The following KLRG2 variants were observed in gnomAD, a reference collection of about 807,000 sequenced individuals.
KLRG2 encodes killer cell lectin-like receptor subfamily G member 2.
KLRG2 carries 39 observed loss-of-function variants against 35.4 expected under a neutral mutation model. That is an observed-to-expected ratio of 1.10 (90% CI 0.85 to 1.44). The LOEUF is 1.44. KLRG2 is among the 40% of genes most tolerant of loss of function. KLRG2 has a pLI of 0.00. For missense variants in KLRG2, 632 were observed against 570.9 expected, an observed-to-expected ratio of 1.11 and a Z score of -1.09; for synonymous variants, 283 against 265.8, an observed-to-expected ratio of 1.06 and a Z score of -0.63.
At chr7:139,463,325 A>T (rs184117232) in intron 3 of KLRG2, among the ~76,000 whole-genome samples, 63 of 152,260 alleles carry the variant, frequency 4.1e-4, no homozygotes, top group Admixed American at 2.8e-3. Context: ...CAAAAATTAG[A>T]TTCCAGCCCT....
At chr7:139,446,885 T>C in the KLRG2 span, among the ~76,000 whole-genome samples, 762 of 152,242 alleles carry the variant, frequency 5.0e-3, 6 homozygotes, top group African/African-American at 0.017. Context: ...CCCAGGCTCA[T>C]CTCATTTGAA....
chr7:139,459,106 A>T (rs1202852722), intron 3 of KLRG2, among the ~76,000 whole-genome samples: 3 of 152,162 alleles, frequency 2.0e-5, no homozygotes, highest in Non-Finnish European at 2.9e-5. Context: ...TTTTCTGCAG[A>T]TTTACTTATG....
chr7:139,482,725 A>C (rs917415481), intron 1 of KLRG2, among the ~76,000 whole-genome samples, 161 bp downstream of exon 1: 54 of 152,108 alleles, frequency 3.6e-4, no homozygotes, highest in African/African-American at 1.3e-3. Context: ...AATGTTATTG[A>C]TTGTAAGCCC....
intron 3 of KLRG2, among the ~76,000 whole-genome samples, chr7:139,470,287 T>C (rs1796734219): frequency 6.6e-6 from 1 of 151,928 alleles, no homozygotes; most frequent in African/African-American, 2.4e-5. Flanking sequence ...CTCGATCTCC[T>C]GACCTCGTGA....
At chr7:139,457,375 C>A (rs1238579839) in intron 3 of KLRG2, among the ~76,000 whole-genome samples, 4 of 152,172 alleles carry the variant, frequency 2.6e-5, no homozygotes, top group Admixed American at 1.3e-4. Context: ...TCTTCCGGGG[C>A]TGAGATGGAG....
At chr7:139,451,157 A>G (rs996758819), downstream of KLRG2, among the ~76,000 whole-genome samples, 9 of 152,172 alleles carry the variant, frequency 5.9e-5, no homozygotes, top group African/African-American at 1.7e-4. Flanking sequence ...AGGAAGGGGG[A>G]AAAACAGTTG....
Position 139,455,407 on chromosome 7 carries a change from T to C in KLRG2, c.1006-1193A>G, listed in dbSNP as rs1243143578. On this transcript the variant is annotated intron_variant, in intron 3 of 4. Coordinates refer to ENST00000340940, the MANE Select transcript of KLRG2 (RefSeq NM_198508.4). ...CGCGATCTCGGCTCACTGCAAGCTCTGTCTCCTGGGTTCACGCCATTCTCC... is the reference window on the plus strand; with the variant it reads ...CGCGATCTCGGCTCACTGCAAGCTCCGTCTCCTGGGTTCACGCCATTCTCC... Among the ~76,000 whole-genome samples, 4 of 150,426 alleles carry C rather than the reference T, an allele frequency of 2.7e-5. No homozygotes were observed. The East Asian group carries it at 5.9e-4, about 22-fold the overall frequency.
At position 139,483,319 on chromosome 7, in the gene KLRG2, C is replaced by A. The variant is rs748079295; in HGVS notation, c.324G>T (p.Glu108Asp). Residue 108 changes from glutamate (E) to aspartate (D), a missense_variant, in exon 1 of 5, where the codon GAG becomes GAT. By Grantham distance (45) the Glu-to-Asp change is conservative. Coordinates refer to ENST00000340940, the MANE Select transcript of KLRG2 (RefSeq NM_198508.4). ...TGGGCGCAGGCTCAGCCCCGGGCGC[C>A]TCGCCATTCCGGGGCAGCTTGACCA... ...PALVKLPRNG[E>D]APGAEPAPSA... The A allele has an allele frequency of 1.3e-6, 2 of 1,547,038 alleles. No homozygotes were observed. The highest frequency in any genetic ancestry group is 1.7e-6 in the Non-Finnish European group (2 of 1,157,454).
At chr7:139,466,750 A>T (rs1056485120) in intron 3 of KLRG2, among the ~76,000 whole-genome samples, 4 of 147,712 alleles carry the variant, frequency 2.7e-5, no homozygotes, top group East Asian at 2.4e-4. Context: ...TAAAATAAAA[A>T]AAATAAAAAA....
Position 139,483,416 on chromosome 7 carries a change from C to G in KLRG2, c.227G>C (p.Gly76Ala), listed in dbSNP as rs1797007039. 6.4e-7 allele frequency: 1 copy of G among 1,552,620 alleles called. No individual in the cohort carries two copies. The highest frequency in any genetic ancestry group is 1.2e-5 in the South Asian group (1 of 84,250). The change falls in exon 1 of 5, where the codon GGG (glycine) becomes GCG (alanine). Residue 76 changes from glycine to alanine, a missense_variant. Gly to Ala is a moderately conservative substitution (Grantham distance 60). Transcript: ENST00000340940. ...GCTGAGCGGCGGCACGCGCGGGGAC[C>G]CGGGGCGAGGCGAAGGCGGCTTTTT... is the stretch of plus-strand genomic sequence containing the variant. ...SKKKPPSPRP[G>A]SPRVPPLSLG... is the part of the protein sequence containing the mutation.
chr7:139,448,683 A>G (rs756899899), downstream of KLRG2: 5 of 151,392 alleles, frequency 3.3e-5, no homozygotes, highest in Admixed American at 6.6e-5. Flanking sequence ...ACAGAGCAAG[A>G]CTCCTTCTTA....
intron 3 of KLRG2, among the ~76,000 whole-genome samples, chr7:139,458,465 T>C (rs1424026359): frequency 4.6e-5 from 7 of 152,140 alleles, no homozygotes; most frequent in Admixed American, 3.9e-4. Context: ...TTCAAGGGCA[T>C]GAAGTATATC....
chr7:139,457,754 C>T (rs370139740), intron 3 of KLRG2, among the ~76,000 whole-genome samples: 2 of 152,166 alleles, frequency 1.3e-5, no homozygotes, highest in African/African-American at 2.4e-5. Context: ...GCCCCAGCCC[C>T]GCCTAGACCC....
At chr7:139,460,295 C>T (rs866383949) in intron 3 of KLRG2, among the ~76,000 whole-genome samples, 1 of 152,348 alleles carries the variant, frequency 6.6e-6, no homozygotes, top group African/African-American at 2.4e-5. Flanking sequence ...CCAATGTCAT[C>T]GTCCTGGTCT....
intron 3 of KLRG2, among the ~76,000 whole-genome samples, chr7:139,463,147 G>A (rs555353507): frequency 2.6e-5 from 4 of 152,214 alleles, no homozygotes; most frequent in African/African-American, 4.8e-5. Context: ...ATCAGTTAGC[G>A]TTTAGGCTCT....
At chr7:139,474,966 G>C (rs1003355028) in intron 3 of KLRG2, among the ~76,000 whole-genome samples, 48 of 152,240 alleles carry the variant, frequency 3.2e-4, no homozygotes, top group African/African-American at 1.1e-3. Flanking sequence ...TGGGTCATAA[G>C]ACCCTATTCT....
At chr7:139,433,116 T>G in the KLRG2 span, among the ~76,000 whole-genome samples, 1 of 152,216 alleles carries the variant, frequency 6.6e-6, no homozygotes, top group Non-Finnish European at 1.5e-5. Context: ...TTTATACTGC[T>G]GTTTCTTGGC....
the KLRG2 span, among the ~76,000 whole-genome samples, chr7:139,444,850 A>G: frequency 3.3e-5 from 5 of 152,240 alleles, no homozygotes; most frequent in Admixed American, 2.0e-4. Context: ...AATATTTTGC[A>G]CATAAATATG....
At chr7:139,450,828 C>T (rs544888085), downstream of KLRG2, among the ~76,000 whole-genome samples, 1 of 152,176 alleles carries the variant, frequency 6.6e-6, no homozygotes, top group Non-Finnish European at 1.5e-5. Flanking sequence ...ACATATTTCT[C>T]TTCCCCTTCA....
Sources: allele counts gnomAD v4.1 joint callset (sites outside exome capture counted in the v4.1 genomes callset), GRCh38; gene constraint gnomAD v4.1.1; transcripts MANE v1.5; gene names NCBI Gene and HGNC (gene_info 2026-07-23, HGNC 2026-07-21).